Variants in RPS6KA3 observed in about 807,000 individuals in gnomAD.
RPS6KA3 encodes the protein ribosomal protein S6 kinase alpha-3.
In RPS6KA3, 4 loss-of-function variants were observed where a neutral mutation model predicts 67.2. That is an observed-to-expected ratio of 0.06 (90% CI 0.03 to 0.14). RPS6KA3 has a LOEUF of 0.14. Among genes scored for constraint, RPS6KA3 ranks in the 10% least tolerant of loss-of-function variants. RPS6KA3 has a pLI of 1.00. For missense variants in RPS6KA3, 204 were observed against 559.0 expected (o/e 0.36, Z 6.40); for synonymous variants, 182 against 183.7 (o/e 0.99, Z 0.07).
rs750203223 is a variant in RPS6KA3 at position 20,176,446 on chromosome X, C to T, written c.987G>A (p.Thr329=). 7 of 1,189,270 alleles carry T rather than the reference C, an allele frequency of 5.9e-6. No individual in the cohort carries two copies. In the East Asian group the frequency reaches 1.2e-4, roughly 20 times the overall value. ...ATTCTATACTTACATTCCAGTCTAT[C>T]GTTGAGAAAAATGAATGTCTTTTAA... ...EEIKRHSFFS[T]IDWNKLYRRE... is the part of the protein sequence containing the mutation. Residue 329 remains threonine, a synonymous_variant, in exon 12 of 22, where the codon ACG becomes ACA. Coordinates refer to ENST00000379565, the MANE Select transcript of RPS6KA3 (RefSeq NM_004586.3).
At position 20,151,908 on chromosome X, in the gene RPS6KA3, T is replaced by C. The variant is rs1330238779; in HGVS notation, c.*3490A>G. 1 of 111,986 alleles carries C rather than the reference T, an allele frequency of 8.9e-6. No homozygotes were observed. Among genetic ancestry groups the C allele is most frequent in the Non-Finnish European group, 1.9e-5 (1 of 53,277 alleles). The allele number at this position is 111,986 out of a possible 1,213,427, so 9.2% of individuals were successfully genotyped here. A position where few individuals can be genotyped will look rare whatever the true frequency, so the allele number is the denominator to read the frequency against. On this transcript the variant is annotated 3_prime_UTR_variant, in exon 22 of 22. Coordinates refer to ENST00000379565, the MANE Select transcript of RPS6KA3 (RefSeq NM_004586.3). ...TACATTCTGCCCTCTCTTGAAGCCT[T>C]TGCTCTGTTCAAATCTTTCCTGGGC...
chrX:20,262,217 G>A (rs1205099078), intron 1 of RPS6KA3, among the ~76,000 whole-genome samples: 1 of 111,730 alleles, frequency 9.0e-6, no homozygotes, highest in Non-Finnish European at 1.9e-5. Flanking sequence ...TTGAACTGTA[G>A]AGCAAATCTT....
At chrX:20,187,782 T>G in intron 9 of RPS6KA3, 46 bp downstream of exon 9, 1 of 1,097,028 alleles carries the variant, frequency 9.1e-7, no homozygotes, top group Non-Finnish European at 1.3e-6. Context: ...TGATCCTCAC[T>G]TAACAATCTC....
intron 10 of RPS6KA3, among the ~76,000 whole-genome samples, chrX:20,184,064 T>C (rs2148677698): frequency 8.9e-6 from 1 of 112,516 alleles, no homozygotes; most frequent in Admixed American, 9.4e-5. Context: ...TTTTTTTTAT[T>C]TTTTGAGATG....
In RPS6KA3 at chrX:20,209,269, G is replaced by A. The variant is rs1476851201; in HGVS notation, c.243+19C>T. ...AATTGAAAAGACAACTCTTAAAAAA[G>A]CACACACTCATGACTTACCTTTCCA... On this transcript the variant is annotated intron_variant, in intron 3 of 21. Coordinates refer to ENST00000379565, the MANE Select transcript of RPS6KA3 (RefSeq NM_004586.3). 7 of 884,176 alleles carry A rather than the reference G, an allele frequency of 7.9e-6. No homozygotes were observed. The highest frequency in any genetic ancestry group is 1.2e-5 in the Non-Finnish European group (7 of 599,156). 72.9% of individuals were successfully genotyped at this position (884,176 alleles called of 1,213,427 possible).
At chrX:20,214,454 A>G (rs2068794454) in intron 2 of RPS6KA3, among the ~76,000 whole-genome samples, 1 of 112,397 alleles carries the variant, frequency 8.9e-6, no homozygotes, top group South Asian at 3.7e-4. Context: ...CTTTGACACC[A>G]TAGATCCATT....
intron 19 of RPS6KA3, 104 bp downstream of exon 19, chrX:20,162,860 A>G (rs1053325320): frequency 1.6e-6 from 1 of 612,061 alleles, no homozygotes; most frequent in Non-Finnish European, 2.8e-6. Flanking sequence ...AGAAAAAGCA[A>G]ACAAACAAAC....
At chrX:20,217,936 G>T (rs2068896630) in intron 2 of RPS6KA3, among the ~76,000 whole-genome samples, 1 of 111,987 alleles carries the variant, frequency 8.9e-6, no homozygotes, top group Admixed American at 9.5e-5. Flanking sequence ...TTTGCTGATG[G>T]AATGATAAAT....
intron 4 of RPS6KA3, among the ~76,000 whole-genome samples, chrX:20,200,974 T>C (rs1224445673): frequency 9.0e-6 from 1 of 111,044 alleles, no homozygotes. Flanking sequence ...TGAGCCACTA[T>C]GCCTGGTCAC....
intron 4 of RPS6KA3, among the ~76,000 whole-genome samples, chrX:20,197,249 T>G (rs2148707278): frequency 8.9e-6 from 1 of 112,915 alleles, no homozygotes; most frequent in African/African-American, 3.2e-5. Flanking sequence ...TACCATACAA[T>G]TTTGGATTAG....
intron 3 of RPS6KA3, among the ~76,000 whole-genome samples, chrX:20,206,969 G>C (rs1428921554): frequency 8.9e-6 from 1 of 112,259 alleles, no homozygotes; most frequent in Non-Finnish European, 1.9e-5. Context: ...GAGGTAGCTA[G>C]AGACCAGACT....
At chrX:20,182,757 T>C (rs1304108751) in intron 10 of RPS6KA3, among the ~76,000 whole-genome samples, 2 of 112,002 alleles carry the variant, frequency 1.8e-5, no homozygotes. Context: ...ATATTTGTCT[T>C]TAGAAGATAA....
At chrX:20,192,983 A>G (rs2068178737) in intron 7 of RPS6KA3, among the ~76,000 whole-genome samples, 1 of 112,325 alleles carries the variant, frequency 8.9e-6, no homozygotes, top group African/African-American at 3.2e-5. Context: ...CCTCATTAAA[A>G]AATCAAAGAA....
chrX:20,240,285 CTTTTTTTTTTTTTT>C (rs778713587), intron 1 of RPS6KA3, among the ~76,000 whole-genome samples: 2 of 54,385 alleles, frequency 3.7e-5, no homozygotes, highest in African/African-American at 1.9e-4. Context: ...AAGGACCATA[CTTTTTTTTTTTTTT>C]TTTTTTTTTT....
At chrX:20,167,511 T>C (rs1420410161) in intron 17 of RPS6KA3, 78 bp downstream of exon 17, 3 of 954,271 alleles carry the variant, frequency 3.1e-6, no homozygotes, top group Non-Finnish European at 3.0e-6. Context: ...AGGCATAAAG[T>C]AATTTCTATC....
At chrX:20,205,289 C>A (rs1285052218) in intron 3 of RPS6KA3, among the ~76,000 whole-genome samples, 3 of 112,695 alleles carry the variant, frequency 2.7e-5, no homozygotes, top group Non-Finnish European at 5.6e-5. Flanking sequence ...CCTATCCATT[C>A]TTTTGTAGCA....
chrX:20,212,543 G>A (rs1231709375), intron 2 of RPS6KA3, among the ~76,000 whole-genome samples: 1 of 110,538 alleles, frequency 9.0e-6, no homozygotes, highest in Non-Finnish European at 1.9e-5. Flanking sequence ...TCTAGCCTGG[G>A]CAATATAGTG....
chrX:20,247,387 G>C (rs1468680807), intron 1 of RPS6KA3, among the ~76,000 whole-genome samples: 1 of 111,665 alleles, frequency 9.0e-6, no homozygotes, highest in East Asian at 2.8e-4. Flanking sequence ...CTGAGATCGT[G>C]CCTCTATCTC....
chrX:20,265,337 A>C (rs772995433), intron 1 of RPS6KA3, among the ~76,000 whole-genome samples: 36 of 111,852 alleles, frequency 3.2e-4, no homozygotes, highest in African/African-American at 1.2e-3. Context: ...TCTCAAGATT[A>C]AACTGAGCCT....
Sources: gnomAD v4.1 joint callset for allele counts (sites outside exome capture counted in the v4.1 genomes callset) on GRCh38, gnomAD v4.1.1 for gene constraint, MANE v1.5 for transcripts, NCBI Gene and HGNC (gene_info 2026-07-23, HGNC 2026-07-21) for gene names.